ATG4C: variants seen among roughly 807,000 people sequenced by gnomAD.
The protein encoded by ATG4C is autophagy related 4C cysteine peptidase.
In ATG4C, 56 loss-of-function variants were observed where a neutral mutation model predicts 57.6. The observed-to-expected ratio is 0.97, with a 90% CI of 0.78 to 1.21. The LOEUF is 1.21. Ranked by LOEUF, ATG4C falls within the 50% of genes most tolerant of loss-of-function variation. The pLI, the probability that ATG4C is intolerant of heterozygous loss-of-function variation, is 0.00. For synonymous variants in ATG4C, 157 were observed against 174.1 expected (o/e 0.90, Z 0.78); for missense variants, 595 against 529.8 (o/e 1.12, Z -1.21).
intron 6 of ATG4C, among the ~76,000 whole-genome samples, chr1:62,828,786 T>G (rs1395412613): frequency 1.3e-5 from 2 of 152,076 alleles, no homozygotes; most frequent in Non-Finnish European, 2.9e-5. Flanking sequence ...TAGTTTTGAG[T>G]TTTACATTTA....
At position 62,859,986 on chromosome 1, in the gene ATG4C, T is replaced by C. The variant is rs543300481; in HGVS notation, c.1210-4006T>C. Among the ~76,000 whole-genome samples, 7 of 152,338 alleles carry C rather than the reference T, an allele frequency of 4.6e-5. No individual in the cohort carries two copies. In the South Asian group the frequency reaches 6.2e-4, roughly 14 times the overall value. On this transcript the variant is annotated intron_variant, in intron 10 of 10. Coordinates refer to ENST00000317868, the MANE Select transcript of ATG4C (RefSeq NM_032852.4). ...GCACTTAGTTTAAAACACAAACACA[T>C]TGTACAGCTCTACAAAGATATTTTC...
intron 2 of ATG4C, among the ~76,000 whole-genome samples, chr1:62,804,283 G>A (rs1393564977): frequency 6.6e-6 from 1 of 151,840 alleles, no homozygotes; most frequent in East Asian, 1.9e-4. Flanking sequence ...GTAGAGATTG[G>A]GTTTCACCAT....
chr1:62,790,520 G>C (rs542865761), intron 1 of ATG4C, among the ~76,000 whole-genome samples: 56 of 152,214 alleles, frequency 3.7e-4, no homozygotes, highest in Non-Finnish European at 6.9e-4. Context: ...AGTCAAAATA[G>C]GTGTTCAAAG....
rs57225222 is a variant in ATG4C at position 62,861,576 on chromosome 1, A to AACACACAC, written c.1210-2372_1210-2365dup. Among the ~76,000 whole-genome samples the AACACACAC allele has an allele frequency of 6.8e-3, 904 of 133,482 alleles. 3 individuals are homozygous for AACACACAC. Among genetic ancestry groups the AACACACAC allele is most frequent in the Non-Finnish European group, 9.5e-3 (599 of 63,148 alleles). 87.6% of individuals were successfully genotyped at this position (133,482 alleles called of 152,430 possible). A position where few individuals can be genotyped will look rare whatever the true frequency, so the allele number is the denominator to read the frequency against. ...CAGAAGAAAGAAGCTTGGAAAATAG[A>AACACACAC]ACACACACACACACACACACACACA... On this transcript the variant is annotated intron_variant, in intron 10 of 10. Transcript: ENST00000317868.
At chr1:62,786,390 T>C (rs557803814) in intron 1 of ATG4C, among the ~76,000 whole-genome samples, 1 of 152,288 alleles carries the variant, frequency 6.6e-6, no homozygotes, top group Admixed American at 6.5e-5. Flanking sequence ...ATAGTCAATA[T>C]GTATTAGATT....
Position 62,835,462 on chromosome 1 carries a change from T to G in ATG4C, c.1089+610T>G, listed in dbSNP as rs576658716. 3.2e-5 allele frequency: 9 copies of G among 283,032 alleles called. No individual in the cohort carries two copies. In the East Asian group the frequency reaches 9.6e-4, roughly 30 times the overall value. 17.5% of individuals were successfully genotyped at this position (283,032 alleles called of 1,614,324 possible). ...TGAAACATGTAATTATTACATGGTT[T>G]TGATTGTTTTCCCAGTTGGTGCTTT... On this transcript the variant is annotated intron_variant, in intron 9 of 10. Coordinates refer to ENST00000317868, the MANE Select transcript of ATG4C (RefSeq NM_032852.4).
chr1:62,784,640 A>G (rs966559437), intron 1 of ATG4C, among the ~76,000 whole-genome samples: 1 of 152,210 alleles, frequency 6.6e-6, no homozygotes, highest in African/African-American at 2.4e-5. Context: ...CGTTTAAAAA[A>G]TAAAAAAAGG....
At chr1:62,814,026 A>G in intron 3 of ATG4C, among the ~76,000 whole-genome samples, 1 of 152,224 alleles carries the variant, frequency 6.6e-6, no homozygotes, top group East Asian at 1.9e-4. Flanking sequence ...CCATTGTGGA[A>G]GACAGTGTGG....
intron 1 of ATG4C, among the ~76,000 whole-genome samples, chr1:62,785,923 A>T (rs529470955): frequency 6.6e-6 from 1 of 152,288 alleles, no homozygotes; most frequent in Non-Finnish European, 1.5e-5. Context: ...CAATCTTTTA[A>T]TATTTTTCCT....
chr1:62,861,438 G>C (rs1398496368), intron 10 of ATG4C, among the ~76,000 whole-genome samples: 1 of 152,096 alleles, frequency 6.6e-6, no homozygotes, highest in East Asian at 1.9e-4. Flanking sequence ...CCAGCTACTC[G>C]GGAGCCTGAA....
intron 4 of ATG4C, 130 bp downstream of exon 4, chr1:62,816,938 A>G: frequency 1.3e-6 from 1 of 766,632 alleles, no homozygotes; most frequent in Non-Finnish European, 2.0e-6. Flanking sequence ...AGATTTTCTA[A>G]GGAGTTGTAA....
intron 6 of ATG4C, among the ~76,000 whole-genome samples, chr1:62,824,861 G>T (rs549264573): frequency 6.6e-6 from 1 of 151,958 alleles, no homozygotes; most frequent in East Asian, 1.9e-4. Context: ...AGAGATGAAG[G>T]TCTCGCTATG....
intron 6 of ATG4C, among the ~76,000 whole-genome samples, chr1:62,823,665 C>T (rs367734059): frequency 2.6e-5 from 4 of 152,120 alleles, no homozygotes; most frequent in Admixed American, 6.6e-5. Flanking sequence ...TAATTTGTCC[C>T]GACCTACATT....
intron 1 of ATG4C, among the ~76,000 whole-genome samples, chr1:62,789,689 C>T (rs1014159678): frequency 1.4e-4 from 21 of 151,994 alleles, no homozygotes; most frequent in Non-Finnish European, 2.4e-4. Flanking sequence ...TGGTGGCGGG[C>T]GCCTGTAGTC....
chr1:62,852,206 A>G (rs1666538552), intron 10 of ATG4C, among the ~76,000 whole-genome samples: 1 of 152,178 alleles, frequency 6.6e-6, no homozygotes, highest in East Asian at 1.9e-4. Context: ...TCATACACAC[A>G]CCATTATTCT....
intron 6 of ATG4C, among the ~76,000 whole-genome samples, chr1:62,827,707 T>C (rs1665708369): frequency 6.6e-6 from 1 of 152,180 alleles, no homozygotes; most frequent in African/African-American, 2.4e-5. Context: ...ACTTGTTAGA[T>C]AGGTAAACTT....
intron 10 of ATG4C, among the ~76,000 whole-genome samples, chr1:62,853,162 T>A (rs1366234474): frequency 6.6e-6 from 1 of 152,248 alleles, no homozygotes; most frequent in Non-Finnish European, 1.5e-5. Flanking sequence ...ATTGTTCCAC[T>A]CCCTTCTAGC....
intron 10 of ATG4C, among the ~76,000 whole-genome samples, chr1:62,849,377 A>G (rs1666430360): frequency 1.3e-5 from 2 of 152,284 alleles, no homozygotes; most frequent in African/African-American, 4.8e-5. Context: ...CAGTATCTTA[A>G]AGATATTTAT....
chr1:62,805,147 C>CT, intron 2 of ATG4C, 25 bp from the exon 3 acceptor site: 3 of 1,487,304 alleles, frequency 2.0e-6, no homozygotes, highest in Admixed American at 2.8e-5. Flanking sequence ...AAAACGTTTT[C>CT]TTTTCTTTTT....
Sources: allele counts gnomAD v4.1 joint callset (sites outside exome capture counted in the v4.1 genomes callset), GRCh38; gene constraint gnomAD v4.1.1; transcripts MANE v1.5; gene names NCBI Gene and HGNC (gene_info 2026-07-23, HGNC 2026-07-21).